LRRC4C: variants seen among roughly 807,000 people sequenced by gnomAD.
The protein encoded by LRRC4C is leucine rich repeat containing 4C.
In LRRC4C, 5 loss-of-function variants were observed where a neutral mutation model predicts 33.6. The ratio of observed to expected loss-of-function variants is 0.15; its 90% CI spans 0.08 to 0.31. The LOEUF (loss-of-function observed/expected upper bound fraction) is 0.31, where lower values mean the gene tolerates loss of function less well. Among genes scored for constraint, LRRC4C ranks in the 10% least tolerant of loss-of-function variants. The probability of loss-of-function intolerance (pLI) is 1.00; values close to 1 mark genes in which losing one functional copy is unlikely to be tolerated. For synonymous variants in LRRC4C, 329 were observed against 302.0 expected (o/e 1.09, Z -0.93); for missense variants, 560 against 796.7 (o/e 0.70, Z 3.58).
chr11:41,425,929 C>T (rs1955023975), intron 1 of LRRC4C, among the ~76,000 whole-genome samples: 1 of 152,038 alleles, frequency 6.6e-6, no homozygotes, highest in Non-Finnish European at 1.5e-5. Context: ...TTTTTCCAGT[C>T]TCCAGCTTTT....
intron 2 of LRRC4C, among the ~76,000 whole-genome samples, chr11:40,740,429 G>A (rs1471026284): frequency 6.6e-6 from 1 of 151,564 alleles, no homozygotes; most frequent in African/African-American, 2.4e-5. Context: ...TATGTCTGCT[G>A]GCTATTTTTT....
intron 1 of LRRC4C, among the ~76,000 whole-genome samples, chr11:41,132,505 T>C (rs185315769): frequency 1.4e-4 from 21 of 152,184 alleles, no homozygotes; most frequent in African/African-American, 5.1e-4. Flanking sequence ...GAGTATTTTG[T>C]ATAAGAGAAA....
At chr11:40,682,107 A>T (rs565943505) in intron 2 of LRRC4C, among the ~76,000 whole-genome samples, 11 of 151,998 alleles carry the variant, frequency 7.2e-5, no homozygotes, top group South Asian at 6.2e-4. Context: ...AATAAAATTT[A>T]AAAAATACAA....
intron 1 of LRRC4C, among the ~76,000 whole-genome samples, chr11:41,275,279 G>T (rs1449417551): frequency 6.6e-6 from 1 of 152,066 alleles, no homozygotes; most frequent in East Asian, 1.9e-4. Flanking sequence ...ATGCAAAATG[G>T]ACTACCACAT....
At chr11:40,287,277 T>TGC (rs1943909950) in intron 4 of LRRC4C, among the ~76,000 whole-genome samples, 1 of 151,656 alleles carries the variant, frequency 6.6e-6, no homozygotes, top group African/African-American at 2.4e-5. Flanking sequence ...TGTGTGTGTG[T>TGC]GTGTGTGTGT....
intron 1 of LRRC4C, among the ~76,000 whole-genome samples, chr11:40,967,494 C>T (rs532483086): frequency 4.6e-5 from 7 of 152,048 alleles, no homozygotes; most frequent in Non-Finnish European, 7.4e-5. Context: ...CTGTATCAAA[C>T]AAATCTATCA....
Position 40,779,944 on chromosome 11 carries a change from A to G in LRRC4C, c.-406-131666T>C, listed in dbSNP as rs574090561. ...CAATTTATCATGGCAATACCACAACATCAATGTGATGTAATGGAAACATCA... is the reference window on the plus strand; with the variant it reads ...CAATTTATCATGGCAATACCACAACGTCAATGTGATGTAATGGAAACATCA... On this transcript the variant is annotated intron_variant, in intron 2 of 6. Transcript: ENST00000528697. Among the ~76,000 whole-genome samples the G allele has an allele frequency of 2.0e-5, 3 of 152,310 alleles. No homozygotes were observed. In the East Asian group the frequency reaches 5.8e-4, roughly 29 times the overall value.
intron 2 of LRRC4C, among the ~76,000 whole-genome samples, chr11:40,900,356 C>T (rs541746231): frequency 6.6e-6 from 1 of 151,894 alleles, no homozygotes; most frequent in African/African-American, 2.4e-5. Context: ...TGCACTTTAC[C>T]AACTCAGCCA....
chr11:40,879,856 T>C (rs1331143559), intron 2 of LRRC4C, among the ~76,000 whole-genome samples: 6 of 152,184 alleles, frequency 3.9e-5, no homozygotes, highest in Non-Finnish European at 8.8e-5. Flanking sequence ...GATTGTATTT[T>C]CCAAAGACAG....
intron 3 of LRRC4C, among the ~76,000 whole-genome samples, chr11:40,463,768 C>A (rs1169772403): frequency 6.6e-6 from 1 of 151,950 alleles, no homozygotes. Flanking sequence ...TTAAAATTAA[C>A]CTATTAAAGG....
At chr11:40,854,477 C>A (rs1173682201) in intron 2 of LRRC4C, among the ~76,000 whole-genome samples, 2 of 152,154 alleles carry the variant, frequency 1.3e-5, no homozygotes, top group Non-Finnish European at 2.9e-5. Flanking sequence ...TCAGACTCGA[C>A]TTGTATTCAC....
rs767211365 is a variant in LRRC4C at position 40,914,410 on chromosome 11, C to A, written c.-407+19225G>T. On this transcript the variant is annotated intron_variant, in intron 2 of 6. Coordinates refer to ENST00000528697, the MANE Select transcript of LRRC4C (RefSeq NM_001258419.2). The stretch of plus-strand genomic sequence containing the variant: ...GGTTCAACATATGCAAATCAATAAA[C>A]GTAATCCAGAATATAAAAAGAACCA... 2.6e-5 allele frequency among the ~76,000 whole-genome samples: 4 copies of A among 152,100 alleles called. No homozygotes were observed. The East Asian group carries it at 7.7e-4, about 29-fold the overall frequency.
chr11:41,407,122 T>A (rs934672998), intron 1 of LRRC4C, among the ~76,000 whole-genome samples: 2 of 152,094 alleles, frequency 1.3e-5, no homozygotes, highest in African/African-American at 4.8e-5. Flanking sequence ...ATTTGAAAGG[T>A]CTTTCAGTGT....
chr11:40,669,721 G>A lies in LRRC4C; in HGVS notation c.-406-21443C>T, dbSNP rs1365998185. On this transcript the variant is annotated intron_variant, in intron 2 of 6. Coordinates refer to ENST00000528697, the MANE Select transcript of LRRC4C (RefSeq NM_001258419.2). ...GGCCTCACATTTCTAATTCTGATTTGGCTGTGCCACTTGGCCCTTTTAGGA... is the reference window on the plus strand; with the variant it reads ...GGCCTCACATTTCTAATTCTGATTTAGCTGTGCCACTTGGCCCTTTTAGGA... 4.6e-5 allele frequency among the ~76,000 whole-genome samples: 7 copies of A among 152,046 alleles called. No individual in the cohort carries two copies. The East Asian group carries it at 5.8e-4, about 13-fold the overall frequency.
chr11:40,642,472 T>C (rs780963052), intron 3 of LRRC4C, among the ~76,000 whole-genome samples: 1 of 152,180 alleles, frequency 6.6e-6, no homozygotes, highest in Non-Finnish European at 1.5e-5. Context: ...TGATGACTAA[T>C]GTACTACATT....
chr11:40,546,842 A>G (rs1301178568), intron 3 of LRRC4C, among the ~76,000 whole-genome samples: 1 of 152,128 alleles, frequency 6.6e-6, no homozygotes. Flanking sequence ...TTTGAAAGTC[A>G]GAGGCTTGAC....
intron 1 of LRRC4C, among the ~76,000 whole-genome samples, chr11:40,972,191 C>T (rs2137001718): frequency 6.7e-6 from 1 of 148,358 alleles, no homozygotes; most frequent in Middle Eastern, 3.6e-3. Flanking sequence ...GGCTGGAGTG[C>T]AGTGGTGCAA....
intron 1 of LRRC4C, among the ~76,000 whole-genome samples, chr11:41,304,045 T>TG (rs1293325819): frequency 1.1e-4 from 5 of 45,290 alleles, no homozygotes; most frequent in Admixed American, 3.5e-4. Flanking sequence ...GGGAGGGAGG[T>TG]GGGGGGTCAG....
At chr11:40,792,080 A>G (rs1230496339) in intron 2 of LRRC4C, among the ~76,000 whole-genome samples, 2 of 152,152 alleles carry the variant, frequency 1.3e-5, no homozygotes, top group Non-Finnish European at 2.9e-5. Flanking sequence ...TATAAGCATC[A>G]AGAACCAGCA....
Sources: gnomAD v4.1 joint callset for allele counts (sites outside exome capture counted in the v4.1 genomes callset) on GRCh38, gnomAD v4.1.1 for gene constraint, MANE v1.5 for transcripts, NCBI Gene and HGNC (gene_info 2026-07-23, HGNC 2026-07-21) for gene names.